LRMDA: variants seen among roughly 807,000 people sequenced by gnomAD.
LRMDA encodes the protein leucine-rich melanocyte differentiation-associated protein.
LRMDA carries 18 observed loss-of-function variants against 29.8 expected under a neutral mutation model. The observed-to-expected ratio is 0.60, with a 90% CI of 0.42 to 0.90. The LOEUF (loss-of-function observed/expected upper bound fraction) is 0.90. Among genes scored for constraint, LRMDA ranks in the 40% least tolerant of loss-of-function variants. The pLI is 0.00. For synonymous variants in LRMDA, 125 were observed against 109.4 expected, an observed-to-expected ratio of 1.14 and a Z score of -0.89; for missense variants, 273 against 273.9, an observed-to-expected ratio of 1.00 and a Z score of 0.02.
chr10:76,153,154 T>A (rs117985710), intron 5 of LRMDA, among the ~76,000 whole-genome samples: 7,568 of 152,266 alleles, frequency 0.05, 263 homozygotes, highest in East Asian at 0.099. Flanking sequence ...TGGCTATTTT[T>A]AAATTGAGTT....
At chr10:76,273,659 T>G (rs992525245) in intron 5 of LRMDA, among the ~76,000 whole-genome samples, 16 of 152,152 alleles carry the variant, frequency 1.1e-4, no homozygotes, top group African/African-American at 3.9e-4. Flanking sequence ...GTGCCTAAAT[T>G]CTGCCCAGAA....
At chr10:76,357,712 A>G (rs778529712) in intron 6 of LRMDA, among the ~76,000 whole-genome samples, 2 of 152,090 alleles carry the variant, frequency 1.3e-5, no homozygotes, top group Non-Finnish European at 2.9e-5. Context: ...GGGGTCCTTG[A>G]TTTCACTCTC....
chr10:75,550,709 T>G (rs1032611078), intron 2 of LRMDA, among the ~76,000 whole-genome samples: 1 of 152,132 alleles, frequency 6.6e-6, no homozygotes. Flanking sequence ...AATTGTTTTC[T>G]ATGTGTCTTA....
rs529945476 is a variant in LRMDA, at chr10:75,541,299, A to G, written c.131+102805A>G. 1.8e-4 allele frequency among the ~76,000 whole-genome samples: 28 copies of G among 152,242 alleles called. 3 individuals are homozygous for G. Among genetic ancestry groups the G allele is most frequent in the African/African-American group, 6.3e-4 (26 of 41,548 alleles). ...TTCAGCCTAAGCTCAAATATGAAAT[A>G]TATTAAAAGCAAACTAAAAACAGGT... On this transcript the variant is annotated intron_variant, in intron 2 of 6. Transcript: ENST00000611255.
chr10:76,530,522 A>G (rs1843222979), intron 6 of LRMDA, among the ~76,000 whole-genome samples: 2 of 152,216 alleles, frequency 1.3e-5, no homozygotes, highest in Admixed American at 1.3e-4. Context: ...AGAATAATCT[A>G]TTTAAAATAC....
At chr10:76,091,978 G>A (rs4746358) in intron 5 of LRMDA, among the ~76,000 whole-genome samples, 62,959 of 152,030 alleles carry the variant, frequency 0.41, 13,549 homozygotes, top group Non-Finnish European at 0.44. Flanking sequence ...TGAGCCACCA[G>A]TATCCCCCTT....
chr10:75,604,089 G>A (rs1456080959), intron 2 of LRMDA, among the ~76,000 whole-genome samples: 1 of 152,036 alleles, frequency 6.6e-6, no homozygotes, highest in African/African-American at 2.4e-5. Flanking sequence ...TATATCAGTT[G>A]GATTGTGACC....
intron 5 of LRMDA, among the ~76,000 whole-genome samples, chr10:76,196,733 T>C (rs1851337414): frequency 6.6e-6 from 1 of 152,268 alleles, no homozygotes; most frequent in African/African-American, 2.4e-5. Context: ...CATGCAATTC[T>C]GTAGTGCATT....
intron 2 of LRMDA, among the ~76,000 whole-genome samples, chr10:75,651,919 A>G (rs1841605206): frequency 1.3e-5 from 2 of 152,172 alleles, no homozygotes; most frequent in South Asian, 4.2e-4. Context: ...TGAAAATGCA[A>G]TCAATCCAGT....
At chr10:75,598,141 A>G (rs1468359349) in intron 2 of LRMDA, among the ~76,000 whole-genome samples, 1 of 152,196 alleles carries the variant, frequency 6.6e-6, no homozygotes, top group African/African-American at 2.4e-5. Context: ...AATGGCAGCA[A>G]ATCATGCAGA....
At chr10:75,981,647 A>G (rs1847172274) in intron 2 of LRMDA, among the ~76,000 whole-genome samples, 1 of 152,062 alleles carries the variant, frequency 6.6e-6, no homozygotes, top group South Asian at 2.1e-4. Context: ...AGGTCAAGAG[A>G]TCGAGACCAT....
rs995204872 is a variant in LRMDA at position 76,013,956 on chromosome 10, AG to A, written c.132-22050del. The stretch of plus-strand genomic sequence containing the variant: ...CCCTCAACCAATGACTGATGGCAGG[AG>A]GTTGGTTAATATCCCAGCTCCCTTG... On this transcript the variant is annotated intron_variant, in intron 2 of 6. Coordinates refer to ENST00000611255, the MANE Select transcript of LRMDA (RefSeq NM_001305581.2). Among the ~76,000 whole-genome samples, 27 of 151,100 alleles carry A rather than the reference AG, an allele frequency of 1.8e-4. 1 individual carries two copies. Among genetic ancestry groups the A allele is most frequent in the Admixed American group, 1.6e-3 (24 of 15,150 alleles).
chr10:75,559,746 T>A (rs1234986211), intron 2 of LRMDA, among the ~76,000 whole-genome samples: 2 of 139,576 alleles, frequency 1.4e-5, no homozygotes, highest in Non-Finnish European at 3.2e-5. Context: ...CAGCTTTCTA[T>A]ATATGGCTAG....
intron 6 of LRMDA, among the ~76,000 whole-genome samples, chr10:76,502,845 A>G (rs1842924450): frequency 6.6e-6 from 1 of 151,376 alleles, no homozygotes; most frequent in Admixed American, 6.6e-5. Context: ...CAGAGAAGAT[A>G]GTTTGATTTC....
intron 5 of LRMDA, among the ~76,000 whole-genome samples, chr10:76,114,267 C>T (rs183357596): frequency 2.0e-5 from 3 of 152,304 alleles, no homozygotes; most frequent in South Asian, 2.1e-4. Flanking sequence ...TTGTGATTGA[C>T]GGCGCTGATA....
intron 2 of LRMDA, among the ~76,000 whole-genome samples, chr10:75,802,335 G>GCA (rs10571839): frequency 0.055 from 8,093 of 147,042 alleles, 635 homozygotes; most frequent in African/African-American, 0.18. Flanking sequence ...ACACACACGC[G>GCA]CACACACACA....
At chr10:76,320,580 A>C (rs1840759021) in intron 5 of LRMDA, among the ~76,000 whole-genome samples, 1 of 152,202 alleles carries the variant, frequency 6.6e-6, no homozygotes, top group African/African-American at 2.4e-5. Flanking sequence ...ATAGGAGTGC[A>C]TGGATTAGAA....
intron 6 of LRMDA, among the ~76,000 whole-genome samples, chr10:76,535,435 A>G (rs990549067): frequency 6.6e-5 from 9 of 137,036 alleles, no homozygotes; most frequent in African/African-American, 1.1e-4. Flanking sequence ...TAAAATGATC[A>G]TAATCTTTTG....
intron 6 of LRMDA, among the ~76,000 whole-genome samples, chr10:76,535,517 T>A (rs1843281262): frequency 6.6e-6 from 1 of 152,152 alleles, no homozygotes; most frequent in Non-Finnish European, 1.5e-5. Flanking sequence ...TTATACAGAT[T>A]AATAAAAATT....
Sources: gnomAD v4.1 joint callset for allele counts (sites outside exome capture counted in the v4.1 genomes callset) on GRCh38, gnomAD v4.1.1 for gene constraint, MANE v1.5 for transcripts, NCBI Gene and HGNC (gene_info 2026-07-23, HGNC 2026-07-21) for gene names.